Variants in KPNA4 observed in about 807,000 individuals in gnomAD.
KPNA4 encodes importin subunit alpha-3.
In KPNA4, 13 loss-of-function variants were observed where a neutral mutation model predicts 71.3. That is an observed-to-expected ratio of 0.18 (90% CI 0.12 to 0.29). The LOEUF is 0.29. Among genes scored for constraint, KPNA4 ranks in the 10% least tolerant of loss-of-function variants. The pLI is 1.00. For missense variants in KPNA4, 334 were observed against 603.2 expected (o/e 0.55, Z 4.67); for synonymous variants, 189 against 195.2 (o/e 0.97, Z 0.26).
chr3:160,530,795 T>G (rs1043657598), intron 7 of KPNA4, 60 bp downstream of exon 7: 3 of 1,172,638 alleles, frequency 2.6e-6, no homozygotes, highest in Non-Finnish European at 2.5e-6. Flanking sequence ...GGAAGATCAC[T>G]ATTTTTTACC....
In KPNA4 at chr3:160,509,800, T is replaced by C. The variant is rs1180715660; in HGVS notation, c.1209A>G (p.Gln403=). Residue 403 remains glutamine, a splice_region_variant and synonymous_variant, in exon 14 of 17, where the codon CAA becomes CAG. Transcript: ENST00000334256. ...ATAAATTTTAAAAAGCTCAACTTACTTGATCTTTCCTTCCACTAATTGTTA... is the reference window on the plus strand; with the variant it reads ...ATAAATTTTAAAAAGCTCAACTTACCTGATCTTTCCTTCCACTAATTGTTA... ...SNLTISGRKD[Q]VAYLIQQNVI... is the part of the protein sequence containing the mutation. The C allele has an allele frequency of 1.3e-6, 2 of 1,587,788 alleles. No homozygotes were observed. The highest frequency in any genetic ancestry group is 1.1e-5 in the South Asian group (1 of 90,386).
At chr3:160,546,509 C>T (rs1721912517) in intron 1 of KPNA4, among the ~76,000 whole-genome samples, 1 of 152,086 alleles carries the variant, frequency 6.6e-6, no homozygotes, top group Non-Finnish European at 1.5e-5. Flanking sequence ...TAGAGCAAGA[C>T]TCCATCTCAG....
chr3:160,562,839 T>C (rs1358786478), intron 1 of KPNA4, among the ~76,000 whole-genome samples: 1 of 152,208 alleles, frequency 6.6e-6, no homozygotes, highest in East Asian at 1.9e-4. Flanking sequence ...ACTTATTTTT[T>C]AAAAGTCACA....
rs182163015 is a variant in KPNA4, at chr3:160,519,075, G to T, written c.903+2704C>A. Among the ~76,000 whole-genome samples, 352 of 147,384 alleles carry T rather than the reference G, an allele frequency of 2.4e-3. 2 individuals carry two copies. The highest frequency in any genetic ancestry group is 7.9e-3 in the African/African-American group (325 of 41,400). On this transcript the variant is annotated intron_variant, in intron 11 of 16. Transcript: ENST00000334256. ...TCTAGGCCCCTTATATTTCCATATG[G>T]ATTTTAAGATCTGTTTGTAAAATTC...
chr3:160,517,192 C>T (rs1173634352), intron 11 of KPNA4, among the ~76,000 whole-genome samples: 1 of 152,044 alleles, frequency 6.6e-6, no homozygotes, highest in Non-Finnish European at 1.5e-5. Flanking sequence ...CTATCTTGGG[C>T]ACTTCATATT....
chr3:160,560,468 C>T (rs549843567), intron 1 of KPNA4, among the ~76,000 whole-genome samples: 15 of 151,710 alleles, frequency 9.9e-5, no homozygotes, highest in Non-Finnish European at 1.6e-4. Flanking sequence ...TGATGACATG[C>T]TCTTGTTTCA....
At position 160,502,528 on chromosome 3, in the gene KPNA4, G is replaced by A. The variant is rs143667527; in HGVS notation, c.1468-326C>T. On this transcript the variant is annotated intron_variant, in intron 16 of 16. Transcript: ENST00000334256. Reference sequence around the variant, plus strand: ...TGGGACTACAGGTGTGCACCACCACGCCTGGCTAATTTTTGTATTTTTTGT... The same window carrying A: ...TGGGACTACAGGTGTGCACCACCACACCTGGCTAATTTTTGTATTTTTTGT... Among the ~76,000 whole-genome samples the A allele has an allele frequency of 4.2e-3, 640 of 151,882 alleles. 4 individuals are homozygous for A. Among genetic ancestry groups the A allele is most frequent in the African/African-American group, 0.014 (567 of 41,398 alleles).
Position 160,495,828 on chromosome 3 carries a change from GAA to G in KPNA4, c.*6274_*6275del, listed in dbSNP as rs916608223. 2 of 151,242 alleles carry G rather than the reference GAA, an allele frequency of 1.3e-5. No individual in the cohort carries two copies. Among genetic ancestry groups the G allele is most frequent in the Non-Finnish European group, 2.9e-5 (2 of 67,952 alleles). The allele number at this position is 151,242 out of a possible 1,614,324, so 9.4% of individuals were successfully genotyped here. ...TTATGCAGCTGAACAGGACAACCCT[GAA>G]AAGACAAGAATTATGGTAATACCAA... On this transcript the variant is annotated 3_prime_UTR_variant, in exon 17 of 17. Coordinates refer to ENST00000334256, the MANE Select transcript of KPNA4 (RefSeq NM_002268.5).
chr3:160,509,384 T>C (rs1354206026), intron 14 of KPNA4, among the ~76,000 whole-genome samples: 1 of 152,166 alleles, frequency 6.6e-6, no homozygotes, highest in Non-Finnish European at 1.5e-5. Context: ...AGTCTGTTCA[T>C]TCCTAATACT....
intron 5 of KPNA4, among the ~76,000 whole-genome samples, chr3:160,532,435 T>C (rs1721593740): frequency 6.6e-6 from 1 of 152,160 alleles, no homozygotes; most frequent in African/African-American, 2.4e-5. Flanking sequence ...AACATTTTCA[T>C]CTCAGCAACT....
chr3:160,511,714 T>TATATATA (rs1721097735), intron 13 of KPNA4, among the ~76,000 whole-genome samples: 1 of 146,476 alleles, frequency 6.8e-6, no homozygotes, highest in African/African-American at 2.5e-5. Flanking sequence ...TTTGTTATTT[T>TATATATA]TATATATATA....
chr3:160,547,196 CCTTT>C (rs919524715), intron 1 of KPNA4, among the ~76,000 whole-genome samples: 2 of 152,110 alleles, frequency 1.3e-5, no homozygotes, highest in African/African-American at 4.8e-5. Flanking sequence ...GTCATATTTG[CCTTT>C]TTTTGAAGAA....
chr3:160,540,032 CTT>C (rs1199941974), intron 1 of KPNA4, among the ~76,000 whole-genome samples: 1 of 139,292 alleles, frequency 7.2e-6, no homozygotes, highest in African/African-American at 2.7e-5. Context: ...CGGAGTCTCA[CTT>C]TGTCGCCCAG....
intron 5 of KPNA4, among the ~76,000 whole-genome samples, chr3:160,535,022 G>A (rs558171693): frequency 1.2e-4 from 18 of 151,978 alleles, no homozygotes; most frequent in Non-Finnish European, 2.2e-4. Context: ...TCGCCCGGCC[G>A]TCATTAATCT....
chr3:160,540,452 G>C (rs1314357760), intron 1 of KPNA4, among the ~76,000 whole-genome samples: 1 of 152,090 alleles, frequency 6.6e-6, no homozygotes, highest in Admixed American at 6.5e-5. Context: ...CAGAAACTTT[G>C]CAAAATAAGA....
At chr3:160,510,134 G>C (rs1721061245) in intron 13 of KPNA4, among the ~76,000 whole-genome samples, 1 of 152,140 alleles carries the variant, frequency 6.6e-6, no homozygotes, top group African/African-American at 2.4e-5. Flanking sequence ...TGAAGTTGAT[G>C]ATAAAATGAA....
At chr3:160,544,693 A>G (rs1246954598) in intron 1 of KPNA4, among the ~76,000 whole-genome samples, 4 of 152,230 alleles carry the variant, frequency 2.6e-5, no homozygotes, top group African/African-American at 9.7e-5. Flanking sequence ...AAGAGAAGAA[A>G]TGAGATATAC....
intron 1 of KPNA4, among the ~76,000 whole-genome samples, chr3:160,553,248 G>A (rs1722076103): frequency 6.6e-6 from 1 of 152,178 alleles, no homozygotes; most frequent in African/African-American, 2.4e-5. Context: ...CACTTCTCAT[G>A]TGATACCCCT....
At chr3:160,539,161 T>G (rs1721747735) in intron 1 of KPNA4, among the ~76,000 whole-genome samples, 1 of 152,124 alleles carries the variant, frequency 6.6e-6, no homozygotes, top group Non-Finnish European at 1.5e-5. Context: ...AACTCTCTAT[T>G]TGGGTACTTT....
Sources: gnomAD v4.1 joint callset for allele counts (sites outside exome capture counted in the v4.1 genomes callset) on GRCh38, gnomAD v4.1.1 for gene constraint, MANE v1.5 for transcripts, NCBI Gene and HGNC (gene_info 2026-07-23, HGNC 2026-07-21) for gene names.